TMEM41A: variants seen among roughly 807,000 people sequenced by gnomAD.
The protein encoded by TMEM41A is transmembrane protein 41A.
A neutral mutation model predicts 25.7 loss-of-function variants in TMEM41A; 20 were observed. The observed-to-expected ratio is 0.78, with a 90% confidence interval of 0.55 to 1.13. TMEM41A has a LOEUF of 1.13. TMEM41A is among the 50% of genes most tolerant of loss of function. The pLI, the probability that TMEM41A is intolerant of heterozygous loss-of-function variation, is 0.00. For synonymous variants in TMEM41A, 133 were observed against 139.6 expected (o/e 0.95, Z 0.33); for missense variants, 299 against 314.3 (o/e 0.95, Z 0.37).
At chr3:185,496,627 A>C in intron 2 of TMEM41A, 1 of 646,562 alleles carries the variant, frequency 1.5e-6, no homozygotes, top group Non-Finnish European at 2.7e-6. Flanking sequence ...TGGGAGAGGG[A>C]AGCAGTACAA....
chr3:185,495,058 A>T (rs1560147530), intron 3 of TMEM41A, 96 bp downstream of exon 3: 2 of 1,428,880 alleles, frequency 1.4e-6, no homozygotes, highest in Admixed American at 1.8e-5. Context: ...AGCGTGGAAG[A>T]GTACTGTGGG....
chr3:185,492,386 T>C (rs551837485), intron 4 of TMEM41A: 10 of 152,224 alleles, frequency 6.6e-5, no homozygotes, highest in African/African-American at 2.4e-4. Flanking sequence ...GGAGTACAGT[T>C]AGTAAAAAAA....
chr3:185,498,992 C>T lies in TMEM41A; in HGVS notation c.-31G>A, dbSNP rs759978042. ...CTCCGCACCCCGGCCCGCGGGGCAG[C>T]CGAGAAGCTCACTTGCACTCCGGGA... On this transcript the variant is annotated 5_prime_UTR_variant, in exon 1 of 5. Coordinates refer to ENST00000421852, the MANE Select transcript of TMEM41A (RefSeq NM_080652.4). 11 of 1,562,954 alleles carry T rather than the reference C, an allele frequency of 7.0e-6. No individual in the cohort carries two copies. The highest frequency in any genetic ancestry group is 9.6e-6 in the Non-Finnish European group (11 of 1,149,692).
At chr3:185,496,684 A>C in intron 2 of TMEM41A, 144 bp downstream of exon 2, 2 of 1,018,742 alleles carry the variant, frequency 2.0e-6, no homozygotes, top group Non-Finnish European at 2.9e-6. Context: ...TCCCTCCGTA[A>C]GTGCTGAGGG....
chr3:185,492,350 G>A (rs1367953020), intron 4 of TMEM41A: 3 of 152,052 alleles, frequency 2.0e-5, no homozygotes, highest in African/African-American at 7.2e-5. Flanking sequence ...AAAGCAAAAT[G>A]CGTGCAGAAG....
In TMEM41A at chr3:185,491,390, TC is replaced by T. The variant is rs904829695; in HGVS notation, c.*146del. 4 of 641,416 alleles carry T rather than the reference TC, an allele frequency of 6.2e-6. No individual in the cohort carries two copies. The African/African-American group carries it at 7.3e-5, about 12-fold the overall frequency. The allele number at this position is 641,416 out of a possible 1,614,324, so 39.7% of individuals were successfully genotyped here. A position where few individuals can be genotyped will look rare whatever the true frequency, so the allele number is the denominator to read the frequency against. On this transcript the variant is annotated 3_prime_UTR_variant, in exon 5 of 5. Coordinates refer to ENST00000421852, the MANE Select transcript of TMEM41A (RefSeq NM_080652.4). ...GTAATACACCTTCAAGAGCAGAGTG[TC>T]CTTTCTGAAAAGACACTGCACATTG...
intron 3 of TMEM41A, 48 bp from the exon 4 acceptor site, chr3:185,494,809 G>A: frequency 6.5e-7 from 1 of 1,546,768 alleles, no homozygotes; most frequent in Non-Finnish European, 8.7e-7. Flanking sequence ...AGGGTCTCCA[G>A]GTGTTGAAAA....
At chr3:185,495,472 G>A (rs913375897) in intron 2 of TMEM41A, 157 bp from the exon 3 acceptor site, 23 of 702,338 alleles carry the variant, frequency 3.3e-5, no homozygotes, top group South Asian at 7.5e-5. Flanking sequence ...ACAGGATCTC[G>A]CTCTGTCACC....
At position 185,490,718 on chromosome 3, in the gene TMEM41A, G is replaced by A. The variant is rs1264101662; in HGVS notation, c.*819C>T. 1 of 152,172 alleles carries A rather than the reference G, an allele frequency of 6.6e-6. No homozygotes were observed. Among genetic ancestry groups the A allele is most frequent in the African/African-American group, 2.4e-5 (1 of 41,444 alleles). The allele number at this position is 152,172 out of a possible 1,614,324, so 9.4% of individuals were successfully genotyped here. On this transcript the variant is annotated 3_prime_UTR_variant, in exon 5 of 5. Coordinates refer to ENST00000421852, the MANE Select transcript of TMEM41A (RefSeq NM_080652.4). ...TATGAAGAGGTAGGTCATCAGCAAA[G>A]AAGTACAAAAAAATGCTCTTCAAGA...
Position 185,495,204 on chromosome 3 carries a change from G to A in TMEM41A, c.385C>T (p.Gln129Ter), listed in dbSNP as rs1719067158. 1 of 1,613,732 alleles carries A rather than the reference G, an allele frequency of 6.2e-7. No individual in the cohort carries two copies. Among genetic ancestry groups the A allele is most frequent in the Non-Finnish European group, 8.5e-7 (1 of 1,179,992 alleles). The change falls in exon 3 of 5, where the codon CAG becomes TAG. Residue 129 changes from glutamine (Q) to a stop codon, truncating the protein, a stop_gained. Transcript: ENST00000421852. LOFTEE classifies it high-confidence loss of function. ...TCAGGAAAGTAGGACACCACCAACTGTTTGCCAAAAATACTGGAGAGCAGG... is the reference window on the plus strand; with the variant it reads ...TCAGGAAAGTAGGACACCACCAACTATTTGCCAAAAATACTGGAGAGCAGG... ...CYLLSSIFGK[Q>*]LVVSYFPDKV...
At chr3:185,492,944 AAT>A (rs1197551177) in intron 4 of TMEM41A, 3 of 152,220 alleles carry the variant, frequency 2.0e-5, no homozygotes, top group African/African-American at 7.2e-5. Context: ...TCTGAAAGCC[AAT>A]ATGACCAAAA....
chr3:185,491,412 C>T lies in TMEM41A; in HGVS notation c.*125G>A. 1 of 711,820 alleles carries T rather than the reference C, an allele frequency of 1.4e-6. No individual in the cohort carries two copies. The highest frequency in any genetic ancestry group is 2.5e-5 in the Admixed American group (1 of 39,396). 44.1% of individuals were successfully genotyped at this position (711,820 alleles called of 1,614,324 possible). ...GTGTCCTTTCTGAAAAGACACTGCA[C>T]ATTGATGCACAGTGTCCACATCACC... On this transcript the variant is annotated 3_prime_UTR_variant, in exon 5 of 5. Transcript: ENST00000421852.
chr3:185,495,661 C>T (rs969752073), intron 2 of TMEM41A: 36 of 233,844 alleles, frequency 1.5e-4, no homozygotes, highest in African/African-American at 6.4e-4. Context: ...AGGCTGGTTT[C>T]AAACTCCCGG....
In TMEM41A at chr3:185,496,927, A is replaced by T; in HGVS notation, c.174T>A (p.Leu58=). The change falls in exon 2 of 5, where the codon CTT becomes CTA. Residue 58 remains leucine (L), a synonymous_variant. Coordinates refer to ENST00000421852, the MANE Select transcript of TMEM41A (RefSeq NM_080652.4). ...LAELRELSEV[L]REYRKEHQAY... ...CCTGGTGCTCCTTCCGGTACTCTCGAAGGACCTCAGAGAGCTCCCGCAGCT... is the reference window on the plus strand; with the variant it reads ...CCTGGTGCTCCTTCCGGTACTCTCGTAGGACCTCAGAGAGCTCCCGCAGCT... 1 of 1,602,932 alleles carries T rather than the reference A, an allele frequency of 6.2e-7. No homozygotes were observed. The highest frequency in any genetic ancestry group is 8.5e-7 in the Non-Finnish European group (1 of 1,176,032).
At chr3:185,495,067 G>A in intron 3 of TMEM41A, 87 bp downstream of exon 3, 1 of 1,498,434 alleles carries the variant, frequency 6.7e-7, no homozygotes, top group Non-Finnish European at 9.1e-7. Flanking sequence ...GAGTACTGTG[G>A]GAAATCCCTG....
chr3:185,494,697 G>A lies in TMEM41A; in HGVS notation c.500C>T (p.Pro167Leu). Residue 167 changes from proline (P) to leucine (L), a missense_variant, in exon 4 of 5, where the codon CCA becomes CTA. Physicochemically the swap from Pro to Leu is moderately conservative, Grantham distance 98. Transcript: ENST00000421852. ...GGCCGAGAGGTTCAAGAACCAGTTT[G>A]GTGTCATGGGGAAAAGTCTCAAAAA... ...LLFLRLFPMT[P>L]NWFLNLSAPI... 1.2e-6 allele frequency: 2 copies of A among 1,613,280 alleles called. No homozygotes were observed. Among genetic ancestry groups the A allele is most frequent in the Non-Finnish European group, 1.7e-6 (2 of 1,179,736 alleles).
intron 1 of TMEM41A, among the ~76,000 whole-genome samples, 198 bp from the exon 2 acceptor site, chr3:185,497,179 C>A (rs1252430362): frequency 6.6e-6 from 1 of 152,194 alleles, no homozygotes; most frequent in Non-Finnish European, 1.5e-5. Context: ...AGTTTGGAAG[C>A]AAGAGACCTG....
At position 185,495,247 on chromosome 3, in the gene TMEM41A, C is replaced by T; in HGVS notation, c.342G>A (p.Val114=). ...AGAGCAGGTAGCAGCATGTGGCACC[C>T]ACCGAGGTCAACACACAGCACAGCA... is the stretch of plus-strand genomic sequence containing the variant. The part of the protein sequence containing the change: ...GLLLCCVLTS[V]GATCCYLLSS... Residue 114 remains valine, a synonymous_variant, in exon 3 of 5, where the codon GTG becomes GTA. Coordinates refer to ENST00000421852, the MANE Select transcript of TMEM41A (RefSeq NM_080652.4). The T allele has an allele frequency of 6.2e-7, 1 of 1,613,910 alleles. No homozygotes were observed. Among genetic ancestry groups the T allele is most frequent in the South Asian group, 1.1e-5 (1 of 91,062 alleles).
Position 185,490,428 on chromosome 3 carries a change from T to TCA in TMEM41A, c.*1107_*1108dup, listed in dbSNP as rs1430959055. 6.6e-6 allele frequency: 1 copy of TCA among 152,228 alleles called. No homozygotes were observed. The highest frequency in any genetic ancestry group is 1.5e-5 in the Non-Finnish European group (1 of 68,060). The allele number at this position is 152,228 out of a possible 1,614,324, so 9.4% of individuals were successfully genotyped here. A position where few individuals can be genotyped will look rare whatever the true frequency, so the allele number is the denominator to read the frequency against. On this transcript the variant is annotated 3_prime_UTR_variant, in exon 5 of 5. Coordinates refer to ENST00000421852, the MANE Select transcript of TMEM41A (RefSeq NM_080652.4). The stretch of plus-strand genomic sequence containing the variant: ...AAGGACAGATAAAATGTTTGCCTGG[T>TCA]CATGATTCAGGTGAGTCAAGGGCCC...
Sources: gnomAD v4.1 joint callset for allele counts (sites outside exome capture counted in the v4.1 genomes callset) on GRCh38, gnomAD v4.1.1 for gene constraint, MANE v1.5 for transcripts, NCBI Gene and HGNC (gene_info 2026-07-23, HGNC 2026-07-21) for gene names.